Variants in FBXW8 observed in about 807,000 individuals in gnomAD.
The protein encoded by FBXW8 is F-box and WD repeat domain containing 8, also known as F-box/WD repeat-containing protein 8.
In FBXW8, 57 loss-of-function variants were observed where a neutral mutation model predicts 65.3. That is an observed-to-expected ratio of 0.87 (90% CI 0.71 to 1.09). The LOEUF is 1.09. Ranked by LOEUF, FBXW8 falls within the 50% of genes least tolerant of loss-of-function variation. The pLI is 0.00. For synonymous variants in FBXW8, 308 were observed against 330.2 expected, an observed-to-expected ratio of 0.93 and a Z score of 0.73; for missense variants, 777 against 814.8, an observed-to-expected ratio of 0.95 and a Z score of 0.57.
intron 7 of FBXW8, among the ~76,000 whole-genome samples, chr12:116,999,374 A>T (rs1179987909): frequency 6.6e-6 from 1 of 152,214 alleles, no homozygotes; most frequent in Non-Finnish European, 1.5e-5. Flanking sequence ...TGAATTCCTC[A>T]TCCAGATTTC....
At chr12:117,015,768 G>A (rs1953935903) in intron 8 of FBXW8, among the ~76,000 whole-genome samples, 2 of 152,174 alleles carry the variant, frequency 1.3e-5, no homozygotes, top group Non-Finnish European at 1.5e-5. Context: ...AGGTTGTGCA[G>A]TTATCACTAC....
intron 7 of FBXW8, among the ~76,000 whole-genome samples, chr12:116,994,561 A>G (rs1420182875): frequency 1.3e-5 from 2 of 152,202 alleles, no homozygotes; most frequent in African/African-American, 4.8e-5. Flanking sequence ...AAGATAGTTT[A>G]TGCACTTATA....
intron 5 of FBXW8, among the ~76,000 whole-genome samples, chr12:116,984,354 G>A (rs1012858612): frequency 6.6e-6 from 1 of 152,166 alleles, no homozygotes; most frequent in African/African-American, 2.4e-5. Context: ...TGGAGAAAGG[G>A]TGTGTGGCCA....
At chr12:116,999,981 A>ATT (rs71099027) in intron 7 of FBXW8, among the ~76,000 whole-genome samples, 1,975 of 128,732 alleles carry the variant, frequency 0.015, 69 homozygotes, top group South Asian at 0.056. Flanking sequence ...TCTGCATCTC[A>ATT]TTTTTTTTTT....
chr12:116,920,307 T>C (rs1225871460), intron 1 of FBXW8, among the ~76,000 whole-genome samples: 2 of 152,270 alleles, frequency 1.3e-5, no homozygotes, highest in Non-Finnish European at 2.9e-5. Context: ...TGGAACGGTC[T>C]GCTGCTTGAA....
Position 117,028,544 on chromosome 12 carries a change from C to A in FBXW8, c.*372C>A. ...CTCCAGCCCTGCAGGCCGTCTTTTC[C>A]GTCTCCAGCCCCTTACCTCTTTTCC... is the stretch of plus-strand genomic sequence containing the variant. On this transcript the variant is annotated 3_prime_UTR_variant, in exon 11 of 11. Transcript: ENST00000652555. This position sits in a 1 kb window ranked among gnomAD's most constrained non-coding sequence, Gnocchi z 4.1. 1 of 202,764 alleles carries A rather than the reference C, an allele frequency of 4.9e-6. No individual in the cohort carries two copies. The highest frequency in any genetic ancestry group is 1.0e-5 in the Non-Finnish European group (1 of 97,594). 12.6% of individuals were successfully genotyped at this position (202,764 alleles called of 1,614,324 possible).
chr12:116,939,783 C>T (rs767267851), intron 2 of FBXW8, among the ~76,000 whole-genome samples: 7 of 152,096 alleles, frequency 4.6e-5, no homozygotes, highest in African/African-American at 7.2e-5. Flanking sequence ...TTCCAGGGCT[C>T]GGTTAGGGGA....
intron 7 of FBXW8, among the ~76,000 whole-genome samples, chr12:116,989,189 G>A (rs1186334150): frequency 6.6e-6 from 1 of 152,156 alleles, no homozygotes; most frequent in Non-Finnish European, 1.5e-5. Context: ...AGTATACATA[G>A]TGTTCTGTAC....
chr12:117,007,849 G>T (rs1953716311), intron 7 of FBXW8, among the ~76,000 whole-genome samples: 1 of 152,126 alleles, frequency 6.6e-6, no homozygotes, highest in Admixed American at 6.5e-5. Flanking sequence ...GGGAGAAATG[G>T]TAAAGGTCGT....
At chr12:116,943,697 CCCTATACAT>C (rs1403942348) in intron 2 of FBXW8, among the ~76,000 whole-genome samples, 1 of 152,192 alleles carries the variant, frequency 6.6e-6, no homozygotes, top group African/African-American at 2.4e-5. Context: ...ACACACATAG[CCCTATACAT>C]TCACGTGGCA....
At chr12:116,989,572 C>CT (rs1487450289) in intron 7 of FBXW8, among the ~76,000 whole-genome samples, 1 of 152,200 alleles carries the variant, frequency 6.6e-6, no homozygotes, top group Non-Finnish European at 1.5e-5. Context: ...AATGGAAATT[C>CT]TTTGAGTGAT....
chr12:116,952,913 T>A (rs1263490543), intron 4 of FBXW8, among the ~76,000 whole-genome samples: 2 of 152,184 alleles, frequency 1.3e-5, no homozygotes, highest in Admixed American at 1.3e-4. Context: ...AATTTTTGTA[T>A]TTTTAGTAGA....
chr12:116,992,399 C>CT (rs34567342), intron 7 of FBXW8, among the ~76,000 whole-genome samples: 92 of 146,506 alleles, frequency 6.3e-4, no homozygotes, highest in African/African-American at 1.4e-3. Flanking sequence ...TATTTTTGCC[C>CT]TTTTTTTTTT....
rs1158700124 is a variant in FBXW8, at chr12:116,949,704, G to A, written c.675G>A (p.Ala225=). Residue 225 remains alanine (A), a splice_region_variant and synonymous_variant, in exon 4 of 11, where the codon GCG becomes GCA. Coordinates refer to ENST00000652555, the MANE Select transcript of FBXW8 (RefSeq NM_153348.3). ...ATTCTCACGATGGTGTGGTCATTGC[G>A]GGGTAAGCCAAACCGTTTCCACTGA... ...DVHSHDGVVI[A]GYTSGDVRVW... 1.9e-5 allele frequency: 31 copies of A among 1,614,100 alleles called. No individual in the cohort carries two copies. Among genetic ancestry groups the A allele is most frequent in the Non-Finnish European group, 2.4e-5 (28 of 1,179,990 alleles).
chr12:116,910,977 G>T lies in FBXW8; in HGVS notation c.-61G>T, dbSNP rs61697829. ...GGCCGCGGCGGACACTTCCCTGGGC[G>T]GGACTGTCTCGTGGCACCCGGTGGA... On this transcript the variant is annotated 5_prime_UTR_variant, in exon 1 of 11. Transcript: ENST00000652555. The T allele has an allele frequency of 1.4e-4, 185 of 1,305,446 alleles. No individual in the cohort carries two copies. In the African/African-American group the frequency reaches 2.6e-3, roughly 18 times the overall value. 80.9% of individuals were successfully genotyped at this position (1,305,446 alleles called of 1,614,324 possible).
At chr12:116,926,946 T>G (rs1049355900) in intron 1 of FBXW8, among the ~76,000 whole-genome samples, 3 of 152,198 alleles carry the variant, frequency 2.0e-5, no homozygotes, top group Admixed American at 1.3e-4. Context: ...GGTGATTTTT[T>G]TTTTGTTTTG....
chr12:117,007,312 G>A (rs907820568), intron 7 of FBXW8, among the ~76,000 whole-genome samples: 1 of 151,612 alleles, frequency 6.6e-6, no homozygotes, highest in African/African-American at 2.4e-5. Flanking sequence ...TCTTTTTAAA[G>A]ATAGTGCTTG....
intron 2 of FBXW8, among the ~76,000 whole-genome samples, chr12:116,941,603 A>G (rs1882570550): frequency 6.6e-6 from 1 of 152,172 alleles, no homozygotes; most frequent in Non-Finnish European, 1.5e-5. Context: ...AAGGTATTGT[A>G]ATGATTATTT....
At position 116,949,881 on chromosome 12, in the gene FBXW8, G is replaced by T. The variant is rs116549491; in HGVS notation, c.677+175G>T. On this transcript the variant is annotated intron_variant, in intron 4 of 10. Transcript: ENST00000652555. ...ATTCTGTTCCCAAGGACGTGAGAGC[G>T]CGCAGCAAGGGTGAGAAGCACATGG... 6.1e-3 allele frequency: 3,889 copies of T among 636,482 alleles called. 22 individuals carry two copies. Among genetic ancestry groups the T allele is most frequent in the Non-Finnish European group, 8.9e-3 (3,141 of 351,066 alleles). 39.4% of individuals were successfully genotyped at this position (636,482 alleles called of 1,614,324 possible). A position where few individuals can be genotyped will look rare whatever the true frequency, so the allele number is the denominator to read the frequency against.
Sources: allele counts gnomAD v4.1 joint callset (sites outside exome capture counted in the v4.1 genomes callset), GRCh38; gene constraint gnomAD v4.1.1; non-coding constraint Gnocchi (gnomAD v3.1); transcripts MANE v1.5; gene names NCBI Gene and HGNC (gene_info 2026-07-23, HGNC 2026-07-21).